BCKDHB: variants seen among roughly 807,000 people sequenced by gnomAD.
The protein encoded by BCKDHB is 2-oxoisovalerate dehydrogenase subunit beta, mitochondrial.
A neutral mutation model predicts 48.5 loss-of-function variants in BCKDHB; 41 were observed. The observed-to-expected ratio is 0.85, with a 90% confidence interval of 0.66 to 1.10. BCKDHB has a LOEUF of 1.10. Among genes scored for constraint, BCKDHB ranks in the 50% least tolerant of loss-of-function variants. The pLI is 0.00. For synonymous variants in BCKDHB, 201 were observed against 174.8 expected (o/e 1.15, Z -1.18); for missense variants, 496 against 494.2 (o/e 1.00, Z -0.03).
chr6:80,370,755 C>T, the BCKDHB span, among the ~76,000 whole-genome samples: 2 of 147,514 alleles, frequency 1.4e-5, no homozygotes, highest in African/African-American at 5.0e-5. Flanking sequence ...GAGTAGTGTT[C>T]CATGGGGTGT....
chr6:80,380,196 G>C, the BCKDHB span, among the ~76,000 whole-genome samples: 1 of 151,970 alleles, frequency 6.6e-6, no homozygotes, highest in African/African-American at 2.4e-5. Flanking sequence ...ATATTACAAG[G>C]CCATACTAAT....
intron 9 of BCKDHB, 109 bp downstream of exon 9, chr6:80,273,330 A>G: frequency 3.3e-6 from 3 of 917,406 alleles, no homozygotes; most frequent in Non-Finnish European, 5.3e-6. Flanking sequence ...CTTTATGGAA[A>G]TGTAGTGCAT....
At chr6:80,120,065 A>G (rs1205750785) in intron 1 of BCKDHB, among the ~76,000 whole-genome samples, 4 of 151,902 alleles carry the variant, frequency 2.6e-5, no homozygotes, top group African/African-American at 4.8e-5. Context: ...CCTGTGTCCA[A>G]GTGATCTCAT....
chr6:80,330,935 C>T (rs1012196608), intron 9 of BCKDHB, among the ~76,000 whole-genome samples: 3 of 152,138 alleles, frequency 2.0e-5, no homozygotes, highest in African/African-American at 7.2e-5. Flanking sequence ...AGTACAGTGG[C>T]TGATTTTGCT....
intron 5 of BCKDHB, among the ~76,000 whole-genome samples, chr6:80,171,009 T>C (rs1191739520): frequency 6.6e-6 from 1 of 152,168 alleles, no homozygotes; most frequent in Non-Finnish European, 1.5e-5. Context: ...CATATTCTTT[T>C]TATTTTTTTT....
chr6:80,263,859 T>C (rs1777401286), intron 8 of BCKDHB, among the ~76,000 whole-genome samples: 1 of 152,118 alleles, frequency 6.6e-6, no homozygotes, highest in Non-Finnish European at 1.5e-5. Flanking sequence ...AGGGATGATG[T>C]CAGTTTCTAC....
chr6:80,289,645 T>C (rs1766808809), intron 9 of BCKDHB, among the ~76,000 whole-genome samples: 1 of 151,948 alleles, frequency 6.6e-6, no homozygotes, highest in Non-Finnish European at 1.5e-5. Context: ...AAGGGGTGAA[T>C]GAGGAACTGA....
At chr6:80,109,427 A>G (rs1769301695) in intron 1 of BCKDHB, among the ~76,000 whole-genome samples, 1 of 152,200 alleles carries the variant, frequency 6.6e-6, no homozygotes, top group South Asian at 2.1e-4. Context: ...GGTTTTATGT[A>G]TCTGAGATTA....
intron 6 of BCKDHB, among the ~76,000 whole-genome samples, chr6:80,195,141 G>A (rs1221344166): frequency 6.6e-6 from 1 of 151,826 alleles, no homozygotes; most frequent in Non-Finnish European, 1.5e-5. Flanking sequence ...GTATCTTCTT[G>A]CCAGCGTGGA....
the BCKDHB span, among the ~76,000 whole-genome samples, chr6:80,396,204 C>A: frequency 0.032 from 4,886 of 152,278 alleles, 132 homozygotes; most frequent in Middle Eastern, 0.088. Flanking sequence ...TGACAGCTTG[C>A]ACTTTGTGCC....
chr6:80,264,881 G>C (rs1483304535), intron 8 of BCKDHB, among the ~76,000 whole-genome samples: 1 of 151,984 alleles, frequency 6.6e-6, no homozygotes, highest in Admixed American at 6.6e-5. Context: ...AAAACAGGGG[G>C]ATTAAAAAAT....
At chr6:80,186,150 GCT>G (rs1773628654) in intron 6 of BCKDHB, among the ~76,000 whole-genome samples, 1 of 152,120 alleles carries the variant, frequency 6.6e-6, no homozygotes, top group African/African-American at 2.4e-5. Flanking sequence ...AATGGATGGG[GCT>G]TTAGAGTTCT....
At chr6:80,346,529 G>T (rs1372860355), downstream of BCKDHB, among the ~76,000 whole-genome samples, 1 of 152,088 alleles carries the variant, frequency 6.6e-6, no homozygotes. Flanking sequence ...CCTCCCCAGT[G>T]TGTGGTGGGT....
At chr6:80,365,226 G>A in the BCKDHB span, among the ~76,000 whole-genome samples, 4,880 of 133,134 alleles carry the variant, frequency 0.037, no homozygotes, top group South Asian at 0.1. Context: ...ATGTTCAGTG[G>A]TGCATGTATT....
At chr6:80,320,507 C>G (rs1768667998) in intron 9 of BCKDHB, among the ~76,000 whole-genome samples, 1 of 152,108 alleles carries the variant, frequency 6.6e-6, no homozygotes, top group Admixed American at 6.5e-5. Flanking sequence ...AACTTCATTT[C>G]TAGTTCTTCA....
intron 6 of BCKDHB, among the ~76,000 whole-genome samples, chr6:80,196,907 A>G (rs1056381187): frequency 3.3e-5 from 5 of 152,148 alleles, no homozygotes; most frequent in African/African-American, 9.7e-5. Flanking sequence ...CATTTTTACA[A>G]TTTTGGCCTT....
chr6:80,169,881 A>G, intron 5 of BCKDHB: 1 of 1,595,996 alleles, frequency 6.3e-7, no homozygotes, highest in Non-Finnish European at 8.5e-7. Context: ...GAAGTTGTAG[A>G]CTGGGAAAGA....
At chr6:80,157,781 G>T (rs1772123293) in intron 3 of BCKDHB, among the ~76,000 whole-genome samples, 1 of 151,792 alleles carries the variant, frequency 6.6e-6, no homozygotes, top group African/African-American at 2.4e-5. Flanking sequence ...GCCCGGCCAA[G>T]AATCTTTATA....
the BCKDHB span, among the ~76,000 whole-genome samples, chr6:80,413,715 T>C: frequency 6.6e-6 from 1 of 152,242 alleles, no homozygotes; most frequent in Non-Finnish European, 1.5e-5. Context: ...GGCACTTAGA[T>C]TGATTCCATA....
Sources: allele counts gnomAD v4.1 joint callset (sites outside exome capture counted in the v4.1 genomes callset), GRCh38; gene constraint gnomAD v4.1.1; transcripts MANE v1.5; gene names NCBI Gene and HGNC (gene_info 2026-07-23, HGNC 2026-07-21).